Variants in SEMA5A observed in about 807,000 individuals in gnomAD.
SEMA5A encodes the protein semaphorin-5A.
SEMA5A carries 55 observed loss-of-function variants against 135.5 expected under a neutral mutation model. That is an observed-to-expected ratio of 0.41 (90% confidence interval 0.33 to 0.51). The LOEUF (loss-of-function observed/expected upper bound fraction) is 0.51, where lower values mean the gene tolerates loss of function less well. SEMA5A is among the 20% of genes least tolerant of loss of function. The pLI, the probability that SEMA5A is intolerant of heterozygous loss-of-function variation, is 0.37. For synonymous variants in SEMA5A, 580 were observed against 546.5 expected, an observed-to-expected ratio of 1.06 and a Z score of -0.85; for missense variants, 1,290 against 1,419.9, an observed-to-expected ratio of 0.91 and a Z score of 1.47.
intron 16 of SEMA5A, among the ~76,000 whole-genome samples, chr5:9,104,241 C>A (rs1216263326): frequency 6.6e-6 from 1 of 152,064 alleles, no homozygotes; most frequent in Non-Finnish European, 1.5e-5. Context: ...TGAAAACTGC[C>A]TTGCAGGGAT....
chr5:9,127,286 C>A (rs1741168468), intron 13 of SEMA5A, among the ~76,000 whole-genome samples: 1 of 152,164 alleles, frequency 6.6e-6, no homozygotes, highest in African/African-American at 2.4e-5. Context: ...GCAGTTCTAT[C>A]CTGGATGCTA....
intron 8 of SEMA5A, among the ~76,000 whole-genome samples, chr5:9,221,294 A>G (rs1452143059): frequency 7.8e-6 from 1 of 128,142 alleles, no homozygotes; most frequent in African/African-American, 3.0e-5. Context: ...GCATCCGAAC[A>G]TTTTCTTTTT....
chr5:9,528,023 C>T (rs777127532), intron 1 of SEMA5A, among the ~76,000 whole-genome samples: 2 of 152,148 alleles, frequency 1.3e-5, no homozygotes, highest in Admixed American at 6.5e-5. Context: ...GACATTTGCA[C>T]GTAGCATTTC....
intron 1 of SEMA5A, among the ~76,000 whole-genome samples, chr5:9,475,045 G>T (rs1189262681): frequency 6.6e-6 from 1 of 152,350 alleles, no homozygotes; most frequent in South Asian, 2.1e-4. Context: ...AGGTTCAAGT[G>T]ATTGTCCTGC....
At chr5:9,327,303 T>C (rs1324994679) in intron 4 of SEMA5A, among the ~76,000 whole-genome samples, 1 of 152,166 alleles carries the variant, frequency 6.6e-6, no homozygotes, top group Non-Finnish European at 1.5e-5. Flanking sequence ...TAAATATGTA[T>C]TCTTCGGGCT....
chr5:9,202,328 C>T lies in SEMA5A; in HGVS notation c.647-88G>A, dbSNP rs912370093. 9.6e-5 allele frequency: 137 copies of T among 1,434,154 alleles called. No individual in the cohort carries two copies. In the Middle Eastern group the frequency reaches 1.2e-3, roughly 13 times the overall value. 88.8% of individuals were successfully genotyped at this position (1,434,154 alleles called of 1,614,324 possible). A position where few individuals can be genotyped will look rare whatever the true frequency, so the allele number is the denominator to read the frequency against. ...CTGCTCAGTATTTCATCCAAAGAGA[C>T]GTGGTTTTGTTTAGATAACACCTGG... On this transcript the variant is annotated intron_variant, in intron 8 of 22. Transcript: ENST00000382496.
rs76071896 is a variant in SEMA5A, at chr5:9,407,706, A to G, written c.-77-27683T>C. On this transcript the variant is annotated intron_variant, in intron 2 of 22. Coordinates refer to ENST00000382496, the MANE Select transcript of SEMA5A (RefSeq NM_003966.3). ...AAGAATAAAATCTTCCTCAGTCCCC[A>G]GCTACCCTCCCCATCTCTTACCCTC... 3.3e-3 allele frequency among the ~76,000 whole-genome samples: 499 copies of G among 152,292 alleles called. 3 individuals carry two copies. Among genetic ancestry groups the G allele is most frequent in the African/African-American group, 0.011 (466 of 41,568 alleles).
intron 8 of SEMA5A, among the ~76,000 whole-genome samples, chr5:9,209,510 T>TAA (rs1169686873): frequency 6.6e-6 from 1 of 152,218 alleles, no homozygotes; most frequent in Non-Finnish European, 1.5e-5. Context: ...TAAAATCTGG[T>TAA]AAATATTTTA....
At chr5:9,365,658 C>A (rs757397443) in intron 3 of SEMA5A, among the ~76,000 whole-genome samples, 1 of 152,202 alleles carries the variant, frequency 6.6e-6, no homozygotes, top group African/African-American at 2.4e-5. Flanking sequence ...TTCTCCCTTG[C>A]CAGACACTTC....
chr5:9,392,899 C>T (rs1319088454), intron 2 of SEMA5A, among the ~76,000 whole-genome samples: 3 of 152,300 alleles, frequency 2.0e-5, no homozygotes, highest in East Asian at 1.9e-4. Flanking sequence ...GCAGTGCTTA[C>T]GGCAAGTTTC....
chr5:9,396,226 T>C (rs112676385), intron 2 of SEMA5A, among the ~76,000 whole-genome samples: 9 of 144,504 alleles, frequency 6.2e-5, no homozygotes, highest in Admixed American at 2.1e-4. Context: ...ACGGTCTCTT[T>C]TGATTTAATG....
At chr5:9,202,356 C>G (rs948603276) in intron 8 of SEMA5A, 116 bp from the exon 9 acceptor site, 1 of 1,050,418 alleles carries the variant, frequency 9.5e-7, no homozygotes, top group Non-Finnish European at 1.4e-6. Context: ...ACACCTGGTT[C>G]CTATAGGACT....
intron 3 of SEMA5A, among the ~76,000 whole-genome samples, chr5:9,351,469 G>T (rs989333960): frequency 1.3e-5 from 2 of 148,462 alleles, no homozygotes; most frequent in East Asian, 4.0e-4. Context: ...AGCCCCCACC[G>T]TTTTTTTTTC....
chr5:9,085,796 C>T (rs1738648977), intron 16 of SEMA5A, among the ~76,000 whole-genome samples: 1 of 152,178 alleles, frequency 6.6e-6, no homozygotes. Context: ...GGTAGATCCA[C>T]TGACAGCTTG....
intron 3 of SEMA5A, among the ~76,000 whole-genome samples, chr5:9,346,914 GTATATATA>G (rs143461409): frequency 1.0e-5 from 1 of 99,170 alleles, no homozygotes; most frequent in Non-Finnish European, 2.2e-5. Flanking sequence ...GTGTGTGTGT[GTATATATA>G]TATATATGTA....
At chr5:9,243,475 C>T (rs1425877072) in intron 5 of SEMA5A, among the ~76,000 whole-genome samples, 1 of 152,100 alleles carries the variant, frequency 6.6e-6, no homozygotes, top group East Asian at 1.9e-4. Context: ...TGGGAATCTG[C>T]ATGGACATGA....
chr5:9,123,899 G>A (rs981860873), intron 13 of SEMA5A, among the ~76,000 whole-genome samples: 2 of 152,092 alleles, frequency 1.3e-5, no homozygotes, highest in Non-Finnish European at 2.9e-5. Flanking sequence ...AGGGGCTATC[G>A]GAGCAGAGGA....
At chr5:9,431,940 C>T (rs1259670211) in intron 2 of SEMA5A, among the ~76,000 whole-genome samples, 1 of 152,134 alleles carries the variant, frequency 6.6e-6, no homozygotes, top group Non-Finnish European at 1.5e-5. Context: ...TTATAGTAGC[C>T]ATAAAGCTGG....
intron 13 of SEMA5A, among the ~76,000 whole-genome samples, chr5:9,123,956 C>A (rs1009495434): frequency 2.0e-5 from 3 of 152,048 alleles, no homozygotes; most frequent in African/African-American, 7.2e-5. Context: ...CAACGAGGAG[C>A]CTGTGTTGAG....
Sources: gnomAD v4.1 joint callset for allele counts (sites outside exome capture counted in the v4.1 genomes callset) on GRCh38, gnomAD v4.1.1 for gene constraint, MANE v1.5 for transcripts, NCBI Gene and HGNC (gene_info 2026-07-23, HGNC 2026-07-21) for gene names.